The following VTA1 variants were observed in gnomAD, a reference collection of about 807,000 sequenced individuals.
VTA1 encodes vacuolar protein sorting-associated protein VTA1 homolog.
A neutral mutation model predicts 36.9 loss-of-function variants in VTA1; 24 were observed. That is an observed-to-expected ratio of 0.65 (90% CI 0.47 to 0.91). The LOEUF (loss-of-function observed/expected upper bound fraction) is 0.91. Ranked by LOEUF, VTA1 falls within the 40% of genes least tolerant of loss-of-function variation. VTA1 has a pLI of 0.00. For synonymous variants in VTA1, 142 were observed against 130.2 expected (o/e 1.09, Z -0.62); for missense variants, 393 against 377.2 (o/e 1.04, Z -0.35).
chr6:142,168,200 C>T (rs568118031), intron 2 of VTA1, among the ~76,000 whole-genome samples: 1 of 152,212 alleles, frequency 6.6e-6, no homozygotes, highest in East Asian at 1.9e-4. Flanking sequence ...AATTGTTCTA[C>T]AATGAAATCT....
intron 7 of VTA1, among the ~76,000 whole-genome samples, chr6:142,207,291 C>A (rs1402306440): frequency 6.6e-6 from 1 of 152,130 alleles, no homozygotes. Context: ...TCCTTGGGTT[C>A]CCTGGCAGGA....
At chr6:142,216,908 C>G (rs1201910859) in intron 7 of VTA1, among the ~76,000 whole-genome samples, 1 of 152,054 alleles carries the variant, frequency 6.6e-6, no homozygotes, top group Non-Finnish European at 1.5e-5. Flanking sequence ...ACTTAAAGCA[C>G]AAAAAGTAGC....
intron 4 of VTA1, among the ~76,000 whole-genome samples, chr6:142,175,122 T>G (rs1332408448): frequency 6.6e-6 from 1 of 152,238 alleles, no homozygotes; most frequent in African/African-American, 2.4e-5. Flanking sequence ...TATTTTTACT[T>G]AAAATTCCAT....
intron 1 of VTA1, among the ~76,000 whole-genome samples, chr6:142,148,623 G>A (rs1349475026): frequency 6.6e-6 from 1 of 152,184 alleles, no homozygotes; most frequent in Non-Finnish European, 1.5e-5. Context: ...TGGAGGTAGA[G>A]AGTTTCAACA....
At chr6:142,206,647 G>A (rs927948124) in intron 7 of VTA1, among the ~76,000 whole-genome samples, 3 of 152,144 alleles carry the variant, frequency 2.0e-5, no homozygotes, top group African/African-American at 7.2e-5. Context: ...ACGTAGTACT[G>A]AAGGAGAAGA....
At chr6:142,203,952 T>C (rs954572925) in intron 6 of VTA1, 33 bp from the exon 7 acceptor site, 4 of 1,580,890 alleles carry the variant, frequency 2.5e-6, no homozygotes, top group Admixed American at 3.3e-5. Flanking sequence ...GGTGTAATAC[T>C]TCTATGCCCA....
At chr6:142,167,091 A>G (rs943433281) in intron 2 of VTA1, among the ~76,000 whole-genome samples, 20 of 152,232 alleles carry the variant, frequency 1.3e-4, no homozygotes, top group Admixed American at 1.2e-3. Flanking sequence ...CTGGGGTCCC[A>G]GGGCAAGATA....
chr6:142,182,406 T>G (rs1775258952), intron 4 of VTA1, among the ~76,000 whole-genome samples: 1 of 152,170 alleles, frequency 6.6e-6, no homozygotes, highest in South Asian at 2.1e-4. Flanking sequence ...TTTAAAGTAT[T>G]GTTCCCTTCT....
chr6:142,170,999 C>T (rs1775019324), intron 4 of VTA1, among the ~76,000 whole-genome samples: 1 of 152,156 alleles, frequency 6.6e-6, no homozygotes, highest in African/African-American at 2.4e-5. Context: ...TTGGACAGCA[C>T]AGGTTTAGAG....
chr6:142,169,259 A>G (rs191721063), intron 2 of VTA1, among the ~76,000 whole-genome samples: 677 of 152,318 alleles, frequency 4.4e-3, no homozygotes, highest in Non-Finnish European at 7.6e-3. Flanking sequence ...CTTCCTTCAC[A>G]TGGATAATTG....
intron 7 of VTA1, among the ~76,000 whole-genome samples, chr6:142,206,620 A>G (rs755520506): frequency 1.3e-5 from 2 of 152,210 alleles, no homozygotes; most frequent in African/African-American, 2.4e-5. Flanking sequence ...GGAGTGGCAG[A>G]AGACCCAGAA....
At chr6:142,157,174 A>G (rs1032290346) in intron 1 of VTA1, among the ~76,000 whole-genome samples, 8 of 150,446 alleles carry the variant, frequency 5.3e-5, no homozygotes, top group Non-Finnish European at 8.9e-5. Flanking sequence ...AAAAAATGAT[A>G]ATAATAATAA....
chr6:142,149,730 T>C (rs1275890680), intron 1 of VTA1, among the ~76,000 whole-genome samples: 1 of 152,196 alleles, frequency 6.6e-6, no homozygotes, highest in African/African-American at 2.4e-5. Flanking sequence ...TATGAATCTC[T>C]TAGGACTTAA....
intron 6 of VTA1, among the ~76,000 whole-genome samples, chr6:142,202,731 G>A (rs1313427614): frequency 6.6e-6 from 1 of 151,898 alleles, no homozygotes; most frequent in Non-Finnish European, 1.5e-5. Flanking sequence ...GTAGGTGGGT[G>A]GAAAGGTGTC....
chr6:142,152,068 A>G (rs1467475580), intron 1 of VTA1, among the ~76,000 whole-genome samples: 1 of 152,140 alleles, frequency 6.6e-6, no homozygotes, highest in African/African-American at 2.4e-5. Flanking sequence ...AGAAGAAGAA[A>G]ATAAAACAGC....
chr6:142,169,304 T>C (rs1774985061), intron 2 of VTA1, among the ~76,000 whole-genome samples: 1 of 152,342 alleles, frequency 6.6e-6, no homozygotes, highest in Middle Eastern at 3.4e-3. Flanking sequence ...TTATTTTGAT[T>C]GTTAGAGCTA....
At position 142,160,676 on chromosome 6, in the gene VTA1, G is replaced by C. The variant is rs541208508; in HGVS notation, c.113-5552G>C. Among the ~76,000 whole-genome samples, 3 of 152,072 alleles carry C rather than the reference G, an allele frequency of 2.0e-5. No homozygotes were observed. In the South Asian group the frequency reaches 6.2e-4, roughly 32 times the overall value. On this transcript the variant is annotated intron_variant, in intron 1 of 7. Transcript: ENST00000367630. ...CACCTCATTTGTTTCCTTTCTCCAG[G>C]TATCATGGTCTTCCTCTATCTCTGT...
At chr6:142,183,985 C>CT (rs563815614) in intron 4 of VTA1, among the ~76,000 whole-genome samples, 2 of 152,164 alleles carry the variant, frequency 1.3e-5, no homozygotes, top group Non-Finnish European at 2.9e-5. Flanking sequence ...AAAGAACCTT[C>CT]TAAAGTCATT....
chr6:142,187,581 G>A (rs1252828662), intron 4 of VTA1, among the ~76,000 whole-genome samples: 1 of 152,172 alleles, frequency 6.6e-6, no homozygotes, highest in East Asian at 1.9e-4. Flanking sequence ...ACCCCACAGA[G>A]TGAACTGAGT....
Sources: gnomAD v4.1 joint callset for allele counts (sites outside exome capture counted in the v4.1 genomes callset) on GRCh38, gnomAD v4.1.1 for gene constraint, MANE v1.5 for transcripts, NCBI Gene and HGNC (gene_info 2026-07-23, HGNC 2026-07-21) for gene names.